Variants in SPATA13 observed in about 807,000 individuals in gnomAD.
The protein encoded by SPATA13 is spermatogenesis-associated protein 13.
SPATA13 carries 50 observed loss-of-function variants against 104.0 expected under a neutral mutation model. The ratio of observed to expected loss-of-function variants is 0.48; its 90% CI spans 0.38 to 0.61. The LOEUF (loss-of-function observed/expected upper bound fraction) is 0.61, where lower values mean the gene tolerates loss of function less well. SPATA13 is among the 20% of genes least tolerant of loss of function. The pLI, the probability that SPATA13 is intolerant of heterozygous loss-of-function variation, is 0.00. For synonymous variants in SPATA13, 606 were observed against 667.5 expected (o/e 0.91, Z 1.42); for missense variants, 1,524 against 1,690.6 (o/e 0.90, Z 1.73).
intron 1 of SPATA13, among the ~76,000 whole-genome samples, chr13:24,163,513 C>G (rs541132324): frequency 3.3e-5 from 5 of 152,354 alleles, no homozygotes; most frequent in Admixed American, 6.5e-5. Flanking sequence ...TCTCTGTTAG[C>G]TGTGTGACTG....
intron 2 of SPATA13, among the ~76,000 whole-genome samples, chr13:23,987,947 T>TC (rs985931354): frequency 1.6e-5 from 2 of 124,586 alleles, no homozygotes; most frequent in African/African-American, 6.1e-5. Flanking sequence ...TTTGTTTCTC[T>TC]TTTTTTTTTT....
chr13:24,221,637 G>A (rs1010894541), intron 1 of SPATA13, among the ~76,000 whole-genome samples: 1 of 152,028 alleles, frequency 6.6e-6, no homozygotes. Flanking sequence ...CAGGTGTGTG[G>A]GAAAGTATGT....
intron 3 of SPATA13, among the ~76,000 whole-genome samples, chr13:24,075,716 G>A (rs946028680): frequency 1.3e-5 from 2 of 152,178 alleles, no homozygotes; most frequent in African/African-American, 4.8e-5. Flanking sequence ...GGTAAAATGA[G>A]TGACAGTTTT....
chr13:24,241,675 G>A (rs1366453936), intron 2 of SPATA13, among the ~76,000 whole-genome samples: 1 of 152,218 alleles, frequency 6.6e-6, no homozygotes, highest in Non-Finnish European at 1.5e-5. Flanking sequence ...GCACCTCCCC[G>A]CGTGCCGGGA....
chr13:24,160,999 G>C (rs1882454064), intron 1 of SPATA13, 67 bp downstream of exon 1: 3 of 926,188 alleles, frequency 3.2e-6, no homozygotes, highest in South Asian at 5.0e-5. Context: ...GTAGAATATC[G>C]GGAGGATTTG....
At chr13:24,190,251 TATAATATAC>T (rs374475799) in intron 1 of SPATA13, among the ~76,000 whole-genome samples, 26 of 1,108 alleles carry the variant, frequency 0.023, no homozygotes, top group Admixed American at 0.033. Flanking sequence ...ACATATCATA[TATAATATAC>T]ATAATATATA....
rs997539361 is a variant in SPATA13, at chr13:24,303,035, G to C, written c.*262G>C. On this transcript the variant is annotated 3_prime_UTR_variant, in exon 13 of 13. Transcript: ENST00000382108. The stretch of plus-strand genomic sequence containing the variant: ...CCCACTATGAGATGGCCCAGATGTG[G>C]GACCCGGTACCATGCTCTAAAGCGA... The C allele has an allele frequency of 9.6e-6, 5 of 522,530 alleles. No individual in the cohort carries two copies. The highest frequency in any genetic ancestry group is 9.6e-5 in the African/African-American group (5 of 52,320). 32.4% of individuals were successfully genotyped at this position (522,530 alleles called of 1,614,324 possible).
At chr13:24,031,258 G>A (rs894507716) in intron 3 of SPATA13, among the ~76,000 whole-genome samples, 2 of 152,198 alleles carry the variant, frequency 1.3e-5, no homozygotes, top group African/African-American at 4.8e-5. Context: ...CAGTTTCTTA[G>A]GGCATTTAGC....
At chr13:24,274,744 A>C (rs898828932) in intron 4 of SPATA13, among the ~76,000 whole-genome samples, 1 of 152,250 alleles carries the variant, frequency 6.6e-6, no homozygotes, top group Non-Finnish European at 1.5e-5. Context: ...TCTCAAATAC[A>C]TGATTTTAGC....
chr13:24,030,106 A>C (rs538816422), intron 3 of SPATA13, among the ~76,000 whole-genome samples: 4 of 151,594 alleles, frequency 2.6e-5, no homozygotes, highest in African/African-American at 9.7e-5. Flanking sequence ...ACATACATAC[A>C]TATACCCTCC....
intron 2 of SPATA13, among the ~76,000 whole-genome samples, chr13:24,007,422 A>G (rs1225886399): frequency 1.3e-5 from 2 of 152,192 alleles, no homozygotes; most frequent in African/African-American, 2.4e-5. Flanking sequence ...CACCAGGGAC[A>G]AGCTGGGTGA....
chr13:23,980,375 T>C (rs1037554357), intron 1 of SPATA13, among the ~76,000 whole-genome samples: 6 of 152,140 alleles, frequency 3.9e-5, no homozygotes, highest in Non-Finnish European at 5.9e-5. Context: ...GGCCGAAATC[T>C]CCCGGTGCTC....
upstream of SPATA13, among the ~76,000 whole-genome samples, chr13:24,156,166 G>A (rs1882251928): frequency 6.6e-6 from 1 of 152,186 alleles, no homozygotes; most frequent in South Asian, 2.1e-4. Flanking sequence ...ATCTGTTCGA[G>A]TCCCTGCTTT....
intron 4 of SPATA13, among the ~76,000 whole-genome samples, chr13:24,270,146 T>C (rs1160725511): frequency 1.3e-5 from 2 of 152,200 alleles, no homozygotes; most frequent in Admixed American, 1.3e-4. Context: ...GCTCACTCTT[T>C]GTTAACAGTC....
intron 3 of SPATA13, among the ~76,000 whole-genome samples, chr13:24,022,690 G>C (rs966300687): frequency 3.9e-5 from 6 of 152,204 alleles, no homozygotes; most frequent in Non-Finnish European, 7.3e-5. Flanking sequence ...ACAGGAAGTG[G>C]AATGAATTTA....
At chr13:24,047,210 A>G (rs1269596234) in intron 3 of SPATA13, among the ~76,000 whole-genome samples, 1 of 152,216 alleles carries the variant, frequency 6.6e-6, no homozygotes, top group South Asian at 2.1e-4. Flanking sequence ...ACATCTCAGA[A>G]TAACAATCTT....
chr13:24,209,816 T>C (rs1369132290), intron 1 of SPATA13, among the ~76,000 whole-genome samples: 1 of 152,170 alleles, frequency 6.6e-6, no homozygotes, highest in African/African-American at 2.4e-5. Flanking sequence ...GGTAGTTCTA[T>C]ATTTAGTTTT....
intron 3 of SPATA13, among the ~76,000 whole-genome samples, chr13:24,041,289 A>T (rs1289239318): frequency 3.9e-5 from 6 of 152,254 alleles, no homozygotes. Context: ...GATTTTTAAC[A>T]AAGGACGTTT....
At chr13:24,294,110 G>A (rs1186519113) in intron 9 of SPATA13, among the ~76,000 whole-genome samples, 2 of 151,970 alleles carry the variant, frequency 1.3e-5, no homozygotes, top group African/African-American at 4.8e-5. Flanking sequence ...CTGCTTTTCC[G>A]GTGCCTACAG....
Sources: gnomAD v4.1 joint callset for allele counts (sites outside exome capture counted in the v4.1 genomes callset) on GRCh38, gnomAD v4.1.1 for gene constraint, MANE v1.5 for transcripts, NCBI Gene and HGNC (gene_info 2026-07-23, HGNC 2026-07-21) for gene names.